NUDT13: variants seen among roughly 807,000 people sequenced by gnomAD.
NUDT13 encodes the protein NAD(P)H pyrophosphatase NUDT13, mitochondrial.
Under a neutral mutation model 41.7 loss-of-function variants are expected in NUDT13, and 40 were observed. That is an observed-to-expected ratio of 0.96 (90% CI 0.75 to 1.25). The LOEUF is 1.25. Ranked by LOEUF, NUDT13 falls within the 50% of genes most tolerant of loss-of-function variation. The pLI, the probability that NUDT13 is intolerant of heterozygous loss-of-function variation, is 0.00. For synonymous variants in NUDT13, 145 were observed against 155.5 expected (o/e 0.93, Z 0.50); for missense variants, 390 against 416.1 (o/e 0.94, Z 0.55).
intron 1 of NUDT13, among the ~76,000 whole-genome samples, chr10:73,113,896 A>T (rs994287706): frequency 1.3e-5 from 2 of 152,210 alleles, no homozygotes; most frequent in Non-Finnish European, 2.9e-5. Flanking sequence ...GGTACTTTTC[A>T]TGGGGAATAA....
chr10:73,115,064 C>CA (rs1236021045), intron 2 of NUDT13: 15 of 152,168 alleles, frequency 9.9e-5, no homozygotes, highest in African/African-American at 3.1e-4. Flanking sequence ...GTGGTGCACC[C>CA]AGGGAGTCAT....
At chr10:73,121,454 T>G (rs568336767) in intron 3 of NUDT13, among the ~76,000 whole-genome samples, 1 of 152,346 alleles carries the variant, frequency 6.6e-6, no homozygotes, top group South Asian at 2.1e-4. Context: ...ATTACGGTTT[T>G]TGTGTGTGTT....
At chr10:73,120,592 C>T (rs890170244) in intron 3 of NUDT13, among the ~76,000 whole-genome samples, 2 of 152,052 alleles carry the variant, frequency 1.3e-5, no homozygotes, top group African/African-American at 4.8e-5. Context: ...CCATTCTTTG[C>T]CTTAGAGCAG....
At chr10:73,116,457 A>G (rs1279782976) in intron 2 of NUDT13, among the ~76,000 whole-genome samples, 2 of 152,140 alleles carry the variant, frequency 1.3e-5, no homozygotes, top group East Asian at 1.9e-4. Flanking sequence ...TTAGAGGCAT[A>G]TAAAGGCTGG....
chr10:73,111,126 G>A (rs1842355950), intron 1 of NUDT13, among the ~76,000 whole-genome samples: 1 of 152,006 alleles, frequency 6.6e-6, no homozygotes, highest in Admixed American at 6.6e-5. Context: ...ACAGGCGCCC[G>A]CCACCACGCC....
rs544517068 is a variant in NUDT13 at position 73,110,954 on chromosome 10, C to T, written c.-10+387C>T. ...TCCTCAGTTTTCCATATTTCCCTGT[C>T]CCATGGAGGTCCACAGTCGTGGAGA... is the stretch of plus-strand genomic sequence containing the variant. On this transcript the variant is annotated intron_variant, in intron 1 of 8. Transcript: ENST00000357321. Among the ~76,000 whole-genome samples the T allele has an allele frequency of 2.0e-5, 3 of 152,214 alleles. No individual in the cohort carries two copies. The East Asian group carries it at 5.8e-4, about 29-fold the overall frequency.
At chr10:73,112,883 A>G (rs981160941) in intron 1 of NUDT13, among the ~76,000 whole-genome samples, 3 of 147,224 alleles carry the variant, frequency 2.0e-5, no homozygotes, top group African/African-American at 7.8e-5. Flanking sequence ...ATTATTTTCT[A>G]TTTGTTCTTT....
chr10:73,119,873 C>G, intron 2 of NUDT13, 145 bp from the exon 3 acceptor site: 1 of 842,926 alleles, frequency 1.2e-6, no homozygotes, highest in Non-Finnish European at 1.9e-6. Flanking sequence ...CACCTCAAAC[C>G]CTTTTTGGAG....
At chr10:73,117,076 G>T (rs1842532300) in intron 2 of NUDT13, among the ~76,000 whole-genome samples, 1 of 149,168 alleles carries the variant, frequency 6.7e-6, no homozygotes, top group Non-Finnish European at 1.5e-5. Context: ...GTTGATATGG[G>T]GTTTCACCAT....
intron 7 of NUDT13, 58 bp from the exon 8 acceptor site, chr10:73,126,615 T>G (rs1341688557): frequency 1.9e-6 from 3 of 1,576,542 alleles, no homozygotes; most frequent in South Asian, 2.3e-5. Context: ...TCAAATGGGC[T>G]GTCTGTATCA....
intron 1 of NUDT13, among the ~76,000 whole-genome samples, chr10:73,112,088 T>C (rs1842378131): frequency 6.6e-6 from 1 of 152,190 alleles, no homozygotes; most frequent in African/African-American, 2.4e-5. Context: ...CAGTGGCTCT[T>C]GCCTGTAATC....
At position 73,115,928 on chromosome 10, in the gene NUDT13, T is replaced by C. The variant is rs567918675; in HGVS notation, c.83+1480T>C. 2.0e-5 allele frequency among the ~76,000 whole-genome samples: 3 copies of C among 152,360 alleles called. No individual in the cohort carries two copies. In the East Asian group the frequency reaches 5.8e-4, roughly 29 times the overall value. On this transcript the variant is annotated intron_variant, in intron 2 of 8. Transcript: ENST00000357321. The stretch of plus-strand genomic sequence containing the variant: ...TGTGAATTTGAAATCACTAGCCTGC[T>C]TTCATACAGTTTTGGGGGTTAAATT...
In NUDT13 at chr10:73,124,319, C is replaced by A; in HGVS notation, c.464C>A (p.Thr155Lys). 1 of 1,601,446 alleles carries A rather than the reference C, an allele frequency of 6.2e-7. No homozygotes were observed. The highest frequency in any genetic ancestry group is 8.6e-7 in the Non-Finnish European group (1 of 1,169,578). ...GCAAGGGATGCCTCCTTGCTGTCCA[C>A]GGTAGATTCTGATTTCTCATTCTGT... Reference protein sequence around the residue: ...LNARDASLLSTAQALLRWHDA... With the variant: ...LNARDASLLSKAQALLRWHDA... The change falls in exon 5 of 9, where the codon ACG (threonine) becomes AAG (lysine). Residue 155 changes from threonine to lysine, a missense_variant and splice_region_variant. Coordinates refer to ENST00000357321, the MANE Select transcript of NUDT13 (RefSeq NM_015901.6).
intron 1 of NUDT13, among the ~76,000 whole-genome samples, chr10:73,111,278 T>TA (rs1262506582): frequency 6.6e-6 from 1 of 151,942 alleles, no homozygotes; most frequent in Non-Finnish European, 1.5e-5. Flanking sequence ...GCGCCCGGCC[T>TA]AAAAAAAGGT....
chr10:73,112,226 G>T (rs954450197), intron 1 of NUDT13, among the ~76,000 whole-genome samples: 1 of 152,100 alleles, frequency 6.6e-6, no homozygotes, highest in Admixed American at 6.6e-5. Context: ...GGTGGCGTAT[G>T]CCTGTAATCC....
At chr10:73,127,626 G>T (rs1842822082) in intron 8 of NUDT13, among the ~76,000 whole-genome samples, 1 of 151,384 alleles carries the variant, frequency 6.6e-6, no homozygotes, top group East Asian at 2.0e-4. Context: ...CTTCAGCAGA[G>T]AAGTATATAC....
At chr10:73,120,463 G>A (rs1048890170) in intron 3 of NUDT13, among the ~76,000 whole-genome samples, 7 of 152,130 alleles carry the variant, frequency 4.6e-5, no homozygotes, top group Admixed American at 1.3e-4. Context: ...GAACATAGAC[G>A]TACTCATTCA....
intron 5 of NUDT13, 60 bp downstream of exon 5, chr10:73,124,380 C>CTT: frequency 9.2e-7 from 1 of 1,086,772 alleles, no homozygotes; most frequent in Non-Finnish European, 1.4e-6. Context: ...TGGGCAAATC[C>CTT]ATGTGTACAC....
chr10:73,126,207 C>T, intron 7 of NUDT13: 1 of 233,962 alleles, frequency 4.3e-6, no homozygotes, highest in South Asian at 7.1e-5. Context: ...GAGCACACCC[C>T]TAGATTCCAT....
Sources: gnomAD v4.1 joint callset for allele counts (sites outside exome capture counted in the v4.1 genomes callset) on GRCh38, gnomAD v4.1.1 for gene constraint, MANE v1.5 for transcripts, NCBI Gene and HGNC (gene_info 2026-07-23, HGNC 2026-07-21) for gene names.